The following NALF1 variants were observed in gnomAD, a reference collection of about 807,000 sequenced individuals.
NALF1 encodes the protein family with sequence similarity 155 member A.
A neutral mutation model predicts 48.4 loss-of-function variants in NALF1; 3 were observed. The observed-to-expected ratio is 0.06, with a 90% confidence interval of 0.03 to 0.16. The LOEUF (loss-of-function observed/expected upper bound fraction) is 0.16, where lower values mean the gene tolerates loss of function less well. Among genes scored for constraint, NALF1 ranks in the 10% least tolerant of loss-of-function variants. The pLI, the probability that NALF1 is intolerant of heterozygous loss-of-function variation, is 1.00. For missense variants in NALF1, 526 were observed against 571.5 expected (o/e 0.92, Z 0.81); for synonymous variants, 262 against 245.7 (o/e 1.07, Z -0.62).
At chr13:107,817,750 A>G (rs1879210659) in intron 1 of NALF1, among the ~76,000 whole-genome samples, 1 of 152,144 alleles carries the variant, frequency 6.6e-6, no homozygotes, top group Non-Finnish European at 1.5e-5. Context: ...CTTCCATGGT[A>G]CGCTGCACTT....
chr13:107,504,122 C>T (rs1875615930), intron 1 of NALF1, among the ~76,000 whole-genome samples: 1 of 151,452 alleles, frequency 6.6e-6, no homozygotes, highest in African/African-American at 2.4e-5. Flanking sequence ...TGTGGCGGCA[C>T]GTGCCTGTAG....
chr13:107,672,118 A>G (rs1031084051), intron 1 of NALF1, among the ~76,000 whole-genome samples: 6 of 152,126 alleles, frequency 3.9e-5, no homozygotes, highest in Non-Finnish European at 7.4e-5. Flanking sequence ...GGTCCGCATG[A>G]GCAGGTATTC....
chr13:107,201,923 G>A (rs4771556), intron 2 of NALF1, among the ~76,000 whole-genome samples: 28,878 of 152,030 alleles, frequency 0.19, 3,292 homozygotes, highest in East Asian at 0.5. Context: ...TGGCGAGGTC[G>A]GCATTTTCAG....
chr13:107,712,757 A>T (rs1189345211), intron 1 of NALF1, among the ~76,000 whole-genome samples: 2 of 152,244 alleles, frequency 1.3e-5, no homozygotes, highest in African/African-American at 4.8e-5. Flanking sequence ...GTGTATGAAA[A>T]GGTACAGAGC....
At chr13:107,201,368 A>C (rs1246945993) in intron 2 of NALF1, among the ~76,000 whole-genome samples, 1 of 152,200 alleles carries the variant, frequency 6.6e-6, no homozygotes, top group Middle Eastern at 3.2e-3. Flanking sequence ...CGAGGTCAGG[A>C]GATCGAGACC....
At chr13:107,710,575 T>C (rs1191595086) in intron 1 of NALF1, among the ~76,000 whole-genome samples, 2 of 152,004 alleles carry the variant, frequency 1.3e-5, no homozygotes, top group Non-Finnish European at 2.9e-5. Flanking sequence ...CTTCTTCAGG[T>C]GGCATCAGGA....
intron 1 of NALF1, among the ~76,000 whole-genome samples, chr13:107,751,454 T>C (rs929375866): frequency 1.3e-5 from 2 of 152,248 alleles, no homozygotes; most frequent in African/African-American, 2.4e-5. Flanking sequence ...AATAACTAAC[T>C]GGCTTGACTA....
intron 1 of NALF1, among the ~76,000 whole-genome samples, chr13:107,718,586 C>A (rs1594226219): frequency 6.6e-6 from 1 of 152,104 alleles, no homozygotes; most frequent in East Asian, 1.9e-4. Context: ...GTATTTAGAG[C>A]TTTAAATGAG....
chr13:107,620,395 T>C (rs1879488705), intron 1 of NALF1, among the ~76,000 whole-genome samples: 2 of 152,164 alleles, frequency 1.3e-5, no homozygotes, highest in South Asian at 2.1e-4. Context: ...AAATCTTTAA[T>C]TGTGTGTGCC....
chr13:107,821,479 C>T (rs1315684426), intron 1 of NALF1, among the ~76,000 whole-genome samples: 3 of 152,136 alleles, frequency 2.0e-5, no homozygotes, highest in African/African-American at 7.2e-5. Flanking sequence ...ATGAGGAGGA[C>T]ATTTCTTCTC....
intron 1 of NALF1, among the ~76,000 whole-genome samples, chr13:107,650,437 C>T (rs1009773094): frequency 7.0e-6 from 1 of 142,406 alleles, no homozygotes; most frequent in Non-Finnish European, 1.5e-5. Context: ...TTGCAGTGAC[C>T]TGGATGAGAC....
At chr13:107,775,518 G>A (rs966797016) in intron 1 of NALF1, among the ~76,000 whole-genome samples, 30 of 151,878 alleles carry the variant, frequency 2.0e-4, no homozygotes, top group Admixed American at 1.8e-3. Context: ...ATAAACATAC[G>A]TGTGCATGTG....
chr13:107,582,370 T>C (rs1222829751), intron 1 of NALF1, among the ~76,000 whole-genome samples: 2 of 152,136 alleles, frequency 1.3e-5, no homozygotes, highest in Non-Finnish European at 2.9e-5. Flanking sequence ...AATACACGTG[T>C]TACAGAAGTG....
intron 1 of NALF1, among the ~76,000 whole-genome samples, chr13:107,221,194 G>A (rs1879984721): frequency 6.6e-6 from 1 of 152,110 alleles, no homozygotes; most frequent in Non-Finnish European, 1.5e-5. Flanking sequence ...CACTACTCAG[G>A]TGACCGGTGC....
chr13:107,569,767 CT>C (rs1193940571), intron 1 of NALF1, among the ~76,000 whole-genome samples: 4 of 152,096 alleles, frequency 2.6e-5, no homozygotes, highest in African/African-American at 9.7e-5. Flanking sequence ...TTTAAGTTGT[CT>C]GTTTATAAAG....
Position 107,586,635 on chromosome 13 carries a change from A to ATTTTTTTTTTTTTTTATTTTTTTTT in NALF1, c.915+279046_915+279047insAAAAAAAAATAAAAAAAAAAAAAAA, listed in dbSNP as rs61429641. Among the ~76,000 whole-genome samples, 2 of 93,122 alleles carry ATTTTTTTTTTTTTTTATTTTTTTTT rather than the reference A, an allele frequency of 2.1e-5. 1 individual carries two copies. Among genetic ancestry groups the ATTTTTTTTTTTTTTTATTTTTTTTT allele is most frequent in the African/African-American group, 9.1e-5 (2 of 21,954 alleles). 61.1% of individuals were successfully genotyped at this position (93,122 alleles called of 152,430 possible). On this transcript the variant is annotated intron_variant, in intron 1 of 2. Coordinates refer to ENST00000375915, the MANE Select transcript of NALF1 (RefSeq NM_001080396.3). ...CTACATTTAAAGCTCCCCTATGGAGATTTTTTTTTTTTTTGCTAGGAATGA... is the reference window on the plus strand; with the variant it reads ...CTACATTTAAAGCTCCCCTATGGAGATTTTTTTTTTTTTTTATTTTTTTTTTTTTTTTTTTTTTTGCTAGGAATGA...
In NALF1 at chr13:107,523,376, TTTA is replaced by T. The variant is rs201693465; in HGVS notation, c.916-312624_916-312622del. 7.4e-3 allele frequency among the ~76,000 whole-genome samples: 1,122 copies of T among 152,084 alleles called. 7 individuals carry two copies. Among genetic ancestry groups the T allele is most frequent in the Non-Finnish European group, 8.5e-3 (580 of 67,988 alleles). On this transcript the variant is annotated intron_variant, in intron 1 of 2. Transcript: ENST00000375915. ...TGCACAATAAGAAATTTTTTTTAAT[TTTA>T]TTATTATTATACTTTAAGTTTTAGG...
chr13:107,833,008 C>G (rs1247232772), intron 1 of NALF1, among the ~76,000 whole-genome samples: 1 of 152,194 alleles, frequency 6.6e-6, no homozygotes, highest in East Asian at 1.9e-4. Flanking sequence ...CTAGTCAGCA[C>G]TTTTTCCATT....
intron 1 of NALF1, among the ~76,000 whole-genome samples, chr13:107,822,385 C>A (rs575687745): frequency 1.2e-3 from 180 of 151,686 alleles, no homozygotes; most frequent in South Asian, 5.8e-3. Flanking sequence ...TCCACTACTG[C>A]TTCTCAAAGC....
Sources: allele counts gnomAD v4.1 joint callset (sites outside exome capture counted in the v4.1 genomes callset), GRCh38; gene constraint gnomAD v4.1.1; transcripts MANE v1.5; gene names NCBI Gene and HGNC (gene_info 2026-07-23, HGNC 2026-07-21).